SEMA5A: variants seen among roughly 807,000 people sequenced by gnomAD.
SEMA5A encodes the protein semaphorin 5A.
In SEMA5A, 55 loss-of-function variants were observed where a neutral mutation model predicts 135.5. The ratio of observed to expected loss-of-function variants is 0.41; its 90% CI spans 0.33 to 0.51. The LOEUF is 0.51. Among genes scored for constraint, SEMA5A ranks in the 20% least tolerant of loss-of-function variants. SEMA5A has a pLI of 0.37. For missense variants in SEMA5A, 1,290 were observed against 1,419.9 expected (o/e 0.91, Z 1.47); for synonymous variants, 580 against 546.5 (o/e 1.06, Z -0.85).
At chr5:9,367,405 G>A (rs1171979692) in intron 3 of SEMA5A, 1 of 152,108 alleles carries the variant, frequency 6.6e-6, no homozygotes, top group Non-Finnish European at 1.5e-5. Context: ...GGTAAAAGAA[G>A]AATTGCATGC....
At chr5:9,159,496 C>T (rs562251414) in intron 11 of SEMA5A, among the ~76,000 whole-genome samples, 1 of 152,108 alleles carries the variant, frequency 6.6e-6, no homozygotes, top group African/African-American at 2.4e-5. Context: ...CAAATCGAAA[C>T]CAAAATGAGA....
At chr5:9,543,111 A>G (rs949940996) in intron 1 of SEMA5A, among the ~76,000 whole-genome samples, 2 of 152,190 alleles carry the variant, frequency 1.3e-5, no homozygotes, top group Non-Finnish European at 2.9e-5. Context: ...AGCATCTGAC[A>G]TTGTCCCCAA....
chr5:9,399,903 A>T (rs966474280), intron 2 of SEMA5A, among the ~76,000 whole-genome samples: 1 of 152,158 alleles, frequency 6.6e-6, no homozygotes. Flanking sequence ...CTTGACATAG[A>T]TGGTGAAGGG....
At chr5:9,397,890 A>C (rs556586055) in intron 2 of SEMA5A, among the ~76,000 whole-genome samples, 2 of 152,294 alleles carry the variant, frequency 1.3e-5, no homozygotes, top group Admixed American at 6.5e-5. Context: ...TAAAATGACT[A>C]GAATTCTCAT....
intron 16 of SEMA5A, among the ~76,000 whole-genome samples, chr5:9,085,886 CCA>C (rs1245993142): frequency 6.6e-6 from 1 of 152,208 alleles, no homozygotes; most frequent in Non-Finnish European, 1.5e-5. Flanking sequence ...CCCTGCAAAG[CCA>C]CAGAGTTGGA....
chr5:9,287,425 T>C (rs375903790), intron 5 of SEMA5A, among the ~76,000 whole-genome samples: 1 of 152,190 alleles, frequency 6.6e-6, no homozygotes, highest in African/African-American at 2.4e-5. Context: ...TCTTTGTACA[T>C]TGCAATTATT....
chr5:9,419,566 A>G (rs1757392636), intron 2 of SEMA5A, among the ~76,000 whole-genome samples: 1 of 152,168 alleles, frequency 6.6e-6, no homozygotes. Context: ...CAGGTTTTAA[A>G]CATGCACACA....
intron 4 of SEMA5A, among the ~76,000 whole-genome samples, chr5:9,321,358 C>T (rs1428696605): frequency 6.6e-6 from 1 of 152,172 alleles, no homozygotes; most frequent in African/African-American, 2.4e-5. Context: ...ATTGTACACC[C>T]GTTGCCTCTA....
At chr5:9,305,964 G>C (rs1037794531) in intron 5 of SEMA5A, among the ~76,000 whole-genome samples, 1 of 152,072 alleles carries the variant, frequency 6.6e-6, no homozygotes, top group Non-Finnish European at 1.5e-5. Context: ...GGTTCTAACT[G>C]CTTCTTCCAT....
intron 4 of SEMA5A, among the ~76,000 whole-genome samples, chr5:9,334,475 C>T (rs1404202271): frequency 2.0e-5 from 3 of 152,224 alleles, no homozygotes; most frequent in African/African-American, 7.2e-5. Flanking sequence ...AAGGCATATG[C>T]ACACGTATGC....
chr5:9,136,715 T>G, intron 12 of SEMA5A, 94 bp from the exon 13 acceptor site: 1 of 1,005,506 alleles, frequency 9.9e-7, no homozygotes, highest in Non-Finnish European at 1.6e-6. Context: ...CAGAGAGGTA[T>G]GGGATTTCTT....
intron 4 of SEMA5A, among the ~76,000 whole-genome samples, chr5:9,318,985 TC>T (rs1413477331): frequency 6.6e-6 from 1 of 152,132 alleles, no homozygotes; most frequent in Admixed American, 6.6e-5. Context: ...GATATTTTGA[TC>T]CTGAGAGGCA....
chr5:9,300,528 CCAAA>C (rs1203697206), intron 5 of SEMA5A, among the ~76,000 whole-genome samples: 3 of 152,158 alleles, frequency 2.0e-5, no homozygotes, highest in African/African-American at 7.2e-5. Context: ...AGAATCTCTT[CCAAA>C]CAAAGAGGCA....
At chr5:9,237,973 A>T in intron 5 of SEMA5A, 83 bp from the exon 6 acceptor site, 1 of 1,280,742 alleles carries the variant, frequency 7.8e-7, no homozygotes, top group Non-Finnish European at 1.1e-6. Context: ...AGGCACTGGT[A>T]ACCAGATTAG....
At chr5:9,068,186 T>C (rs994233004) in intron 16 of SEMA5A, among the ~76,000 whole-genome samples, 3 of 152,222 alleles carry the variant, frequency 2.0e-5, no homozygotes, top group Admixed American at 6.5e-5. Context: ...TTGTTTCTTC[T>C]GTGATCTGAA....
In SEMA5A at chr5:9,042,775, G is replaced by A. The variant is rs1400802221; in HGVS notation, c.*122C>T. 8.2e-7 allele frequency: 1 copy of A among 1,216,444 alleles called. No homozygotes were observed. The highest frequency in any genetic ancestry group is 1.5e-5 in the African/African-American group (1 of 65,198). The allele number at this position is 1,216,444 out of a possible 1,614,324, so 75.4% of individuals were successfully genotyped here. ...TTTGGCAGCAATGGGACACTCTGGT[G>A]GCTTGAAATGCACTTGAAATGTATC... is the stretch of plus-strand genomic sequence containing the variant. On this transcript the variant is annotated 3_prime_UTR_variant, in exon 23 of 23. Coordinates refer to ENST00000382496, the MANE Select transcript of SEMA5A (RefSeq NM_003966.3).
rs535413143 is a variant in SEMA5A at position 9,172,382 on chromosome 5, A to AT, written c.1274-17688dup. ...AATCAAGGCATTTGTGGTTGAAACT[A>AT]TTTTTTTCACTATGAATCAGTGTTC... On this transcript the variant is annotated intron_variant, in intron 11 of 22. Transcript: ENST00000382496. Among the ~76,000 whole-genome samples, 541 of 152,234 alleles carry AT rather than the reference A, an allele frequency of 3.6e-3. 1 individual carries two copies. Among genetic ancestry groups the AT allele is most frequent in the African/African-American group, 0.012 (496 of 41,532 alleles).
chr5:9,128,198 G>A (rs1372862339), intron 13 of SEMA5A, among the ~76,000 whole-genome samples: 8 of 152,152 alleles, frequency 5.3e-5, no homozygotes, highest in East Asian at 1.9e-4. Flanking sequence ...TGGCACCACC[G>A]GCCATGCTTC....
At chr5:9,425,315 C>T (rs1398698385) in intron 2 of SEMA5A, among the ~76,000 whole-genome samples, 1 of 152,264 alleles carries the variant, frequency 6.6e-6, no homozygotes, top group Non-Finnish European at 1.5e-5. Flanking sequence ...AGGAGCCTAT[C>T]TGTCTTGCTT....
Sources: allele counts gnomAD v4.1 joint callset (sites outside exome capture counted in the v4.1 genomes callset), GRCh38; gene constraint gnomAD v4.1.1; transcripts MANE v1.5; gene names NCBI Gene and HGNC (gene_info 2026-07-23, HGNC 2026-07-21).